CLGN: variants seen among roughly 807,000 people sequenced by gnomAD.
CLGN encodes testis tissue sperm-binding protein Li 79P.
A neutral mutation model predicts 79.1 loss-of-function variants in CLGN; 62 were observed. The observed-to-expected ratio is 0.78, with a 90% CI of 0.64 to 0.97. The LOEUF (loss-of-function observed/expected upper bound fraction) is 0.97. Ranked by LOEUF, CLGN falls within the 50% of genes least tolerant of loss-of-function variation. CLGN has a pLI of 0.00. For missense variants in CLGN, 647 were observed against 715.5 expected (o/e 0.90, Z 1.09); for synonymous variants, 225 against 224.7 (o/e 1.00, Z -0.01).
At chr4:140,398,532 C>T (rs1310958694) in intron 8 of CLGN, among the ~76,000 whole-genome samples, 1 of 151,792 alleles carries the variant, frequency 6.6e-6, no homozygotes, top group East Asian at 1.9e-4. Flanking sequence ...GACTCTCACA[C>T]ACATACAATA....
intron 1 of CLGN, among the ~76,000 whole-genome samples, chr4:140,425,750 T>C (rs1026742871): frequency 6.8e-6 from 1 of 146,764 alleles, no homozygotes; most frequent in African/African-American, 2.5e-5. Flanking sequence ...TGTCTCAGCC[T>C]CCCGAGTAGC....
intron 1 of CLGN, chr4:140,426,615 G>A (rs1392902809): frequency 1.3e-5 from 2 of 152,238 alleles, no homozygotes; most frequent in Non-Finnish European, 2.9e-5. Context: ...ATGAGATCGG[G>A]ATTTTGCCTG....
intron 1 of CLGN, among the ~76,000 whole-genome samples, chr4:140,413,995 C>CGCA (rs1729269957): frequency 6.6e-6 from 1 of 152,216 alleles, no homozygotes; most frequent in Non-Finnish European, 1.5e-5. Context: ...TCTCCCAGCA[C>CGCA]GCAGCTGGAG....
chr4:140,407,175 A>AT lies in CLGN; in HGVS notation c.278-1093dup, dbSNP rs573750783. On this transcript the variant is annotated intron_variant, in intron 4 of 14. Transcript: ENST00000325617. The stretch of plus-strand genomic sequence containing the variant: ...TTTTCTTTCTCCCCCTGATTTGGTC[A>AT]TATTATATTTTTTTGAAAAAGATTA... Among the ~76,000 whole-genome samples the AT allele has an allele frequency of 4.6e-5, 7 of 152,154 alleles. No individual in the cohort carries two copies. The South Asian group carries it at 8.3e-4, about 18-fold the overall frequency.
At chr4:140,406,811 T>C (rs1438128079) in intron 4 of CLGN, among the ~76,000 whole-genome samples, 1 of 152,230 alleles carries the variant, frequency 6.6e-6, no homozygotes, top group Non-Finnish European at 1.5e-5. Context: ...AAAAGTTATA[T>C]GTTAGACTTT....
In CLGN at chr4:140,400,471, T is replaced by C; in HGVS notation, c.580A>G (p.Ile194Val). 1.9e-6 allele frequency: 3 copies of C among 1,606,168 alleles called. No homozygotes were observed. The highest frequency in any genetic ancestry group is 1.7e-6 in the Non-Finnish European group (2 of 1,172,994). The change falls in exon 7 of 15, where the codon ATC (isoleucine) becomes GTC (valine). Residue 194 changes from isoleucine to valine, a missense_variant. Physicochemically the swap from Ile to Val is conservative, Grantham distance 29. Coordinates refer to ENST00000325617, the MANE Select transcript of CLGN (RefSeq NM_004362.3). ...GTTTTGGGATGTTTATGTCTGAAGATAAAATGAAGTTTATAATCTTCTCCA... is the reference window on the plus strand; with the variant it reads ...GTTTTGGGATGTTTATGTCTGAAGACAAAATGAAGTTTATAATCTTCTCCA... ...KCGEDYKLHF[I>V]FRHKHPKTGV...
chr4:140,425,446 G>GTC (rs3086732), intron 1 of CLGN, among the ~76,000 whole-genome samples: 78,486 of 149,350 alleles, frequency 0.53, 20,947 homozygotes, highest in Non-Finnish European at 0.6. Context: ...GTGTGTGTGT[G>GTC]TGTGTGTGTG....
intron 5 of CLGN, among the ~76,000 whole-genome samples, chr4:140,404,435 T>A (rs1360028668): frequency 6.6e-6 from 1 of 152,152 alleles, no homozygotes; most frequent in Non-Finnish European, 1.5e-5. Context: ...TCATCTTTAA[T>A]TATATTCATA....
Position 140,393,856 on chromosome 4 carries a change from T to C in CLGN, c.1335A>G (p.Arg445=), listed in dbSNP as rs372543725. Residue 445 remains arginine, a synonymous_variant, in exon 11 of 15, where the codon AGA becomes AGG. Coordinates refer to ENST00000325617, the MANE Select transcript of CLGN (RefSeq NM_004362.3). ...VADHWAADGW[R]WKIMIANANK... Reference sequence around the variant, plus strand: ...TAGCATTTGCTATCATTATTTTCCATCTCCAACCATCTGCAGCCCAGTGAT... The same window carrying C: ...TAGCATTTGCTATCATTATTTTCCACCTCCAACCATCTGCAGCCCAGTGAT... 1 of 1,613,708 alleles carries C rather than the reference T, an allele frequency of 6.2e-7. No individual in the cohort carries two copies. The highest frequency in any genetic ancestry group is 8.5e-7 in the Non-Finnish European group (1 of 1,179,744).
At chr4:140,397,284 T>C (rs2126617716) in intron 8 of CLGN, among the ~76,000 whole-genome samples, 1 of 152,152 alleles carries the variant, frequency 6.6e-6, no homozygotes, top group Middle Eastern at 3.4e-3. Context: ...ATGTGGTAGG[T>C]GAAAAATGGT....
chr4:140,395,106 G>A (rs1400196008), intron 10 of CLGN, among the ~76,000 whole-genome samples: 1 of 152,050 alleles, frequency 6.6e-6, no homozygotes, highest in African/African-American at 2.4e-5. Flanking sequence ...GAGCCCAGGA[G>A]GCAGAGGCTG....
At chr4:140,408,567 T>C (rs1336327236) in intron 4 of CLGN, among the ~76,000 whole-genome samples, 1 of 151,940 alleles carries the variant, frequency 6.6e-6, no homozygotes, top group Non-Finnish European at 1.5e-5. Context: ...ACGAACATGT[T>C]TAGAAAATGC....
chr4:140,391,390 A>G (rs1560737574), intron 13 of CLGN, among the ~76,000 whole-genome samples: 1 of 151,854 alleles, frequency 6.6e-6, no homozygotes, highest in Non-Finnish European at 1.5e-5. Flanking sequence ...TCCAGACATC[A>G]ATATACTAAG....
At chr4:140,390,529 A>C (rs1434687820) in intron 14 of CLGN, 99 bp downstream of exon 14, 13 of 709,966 alleles carry the variant, frequency 1.8e-5, no homozygotes, top group Non-Finnish European at 2.9e-5. Context: ...GCTGAGAGAA[A>C]TATGGCAAAA....
At chr4:140,398,776 T>C in intron 8 of CLGN, 75 bp downstream of exon 8, 1 of 1,281,698 alleles carries the variant, frequency 7.8e-7, no homozygotes. Flanking sequence ...CTTCATGGGT[T>C]GTAAACTTCA....
chr4:140,405,018 A>G (rs1036123529), intron 5 of CLGN, among the ~76,000 whole-genome samples: 1 of 152,038 alleles, frequency 6.6e-6, no homozygotes, highest in African/African-American at 2.4e-5. Context: ...TGTGACCTTT[A>G]AAAGGGGTCC....
intron 1 of CLGN, among the ~76,000 whole-genome samples, chr4:140,424,828 C>T (rs972994091): frequency 6.6e-6 from 1 of 152,194 alleles, no homozygotes; most frequent in Non-Finnish European, 1.5e-5. Context: ...GTTCTCTGCA[C>T]TGCTTCTGTG....
chr4:140,403,908 G>A (rs1729043100), intron 5 of CLGN, among the ~76,000 whole-genome samples: 1 of 152,076 alleles, frequency 6.6e-6, no homozygotes, highest in South Asian at 2.1e-4. Flanking sequence ...AATTTCTTTA[G>A]AGTATCATTT....
chr4:140,402,167 T>A (rs917062171), intron 5 of CLGN, 101 bp from the exon 6 acceptor site: 1 of 596,808 alleles, frequency 1.7e-6, no homozygotes, highest in South Asian at 3.2e-5. Context: ...AGTATAAATT[T>A]TTTTACATTA....
Sources: allele counts gnomAD v4.1 joint callset (sites outside exome capture counted in the v4.1 genomes callset), GRCh38; gene constraint gnomAD v4.1.1; transcripts MANE v1.5; gene names NCBI Gene and HGNC (gene_info 2026-07-23, HGNC 2026-07-21).